Variants in STAC observed in about 807,000 individuals in gnomAD.
STAC encodes SH3 and cysteine-rich domain-containing protein.
Under a neutral mutation model 48.8 loss-of-function variants are expected in STAC, and 43 were observed. That is an observed-to-expected ratio of 0.88 (90% CI 0.69 to 1.14). The LOEUF is 1.14. STAC is among the 50% of genes most tolerant of loss of function. STAC has a pLI of 0.00. For missense variants in STAC, 497 were observed against 504.0 expected, an observed-to-expected ratio of 0.99 and a Z score of 0.13; for synonymous variants, 193 against 179.5, an observed-to-expected ratio of 1.07 and a Z score of -0.60.
intron 10 of STAC, among the ~76,000 whole-genome samples, chr3:36,541,430 G>A (rs1344305193): frequency 1.3e-5 from 2 of 152,204 alleles, no homozygotes; most frequent in African/African-American, 2.4e-5. Flanking sequence ...CAAGGTTTTA[G>A]TTATCCTAGA....
In STAC at chr3:36,517,786, C is replaced by T. The variant is rs183084726; in HGVS notation, c.921-10910C>T. ...TAACATAGACCATATGTCACATCAT[C>T]CTTCTGGCCAAGTGGGTGTGTACAT... On this transcript the variant is annotated intron_variant, in intron 8 of 10. Transcript: ENST00000273183. 6.1e-3 allele frequency among the ~76,000 whole-genome samples: 921 copies of T among 152,130 alleles called. 13 individuals carry two copies. Among genetic ancestry groups the T allele is most frequent in the Non-Finnish European group, 6.0e-3 (410 of 67,984 alleles).
chr3:36,410,457 C>T lies in STAC; in HGVS notation c.111+29703C>T, dbSNP rs75344114. On this transcript the variant is annotated intron_variant, in intron 1 of 10. Transcript: ENST00000273183. Reference sequence around the variant, plus strand: ...CTACGTTTTCCATTCAACAAAGAGGCTAATAGAACTATTAGAATCAGAACC... The same window carrying T: ...CTACGTTTTCCATTCAACAAAGAGGTTAATAGAACTATTAGAATCAGAACC... 2.0e-5 allele frequency among the ~76,000 whole-genome samples: 3 copies of T among 152,170 alleles called. No individual in the cohort carries two copies. In the East Asian group the frequency reaches 5.8e-4, roughly 29 times the overall value.
At position 36,408,616 on chromosome 3, in the gene STAC, TAGAC is replaced by T. The variant is rs774549780; in HGVS notation, c.111+27863_111+27866del. 6.6e-3 allele frequency among the ~76,000 whole-genome samples: 1,002 copies of T among 152,334 alleles called. 6 individuals carry two copies. The highest frequency in any genetic ancestry group is 0.011 in the Non-Finnish European group (727 of 68,026). On this transcript the variant is annotated intron_variant, in intron 1 of 10. Coordinates refer to ENST00000273183, the MANE Select transcript of STAC (RefSeq NM_003149.3). ...GGTGAGGCTCCTGGAAAAGGTTTTC[TAGAC>T]TGATTAGAACACATACAAGAGAAAA...
chr3:36,413,160 G>C (rs1446563083), intron 1 of STAC, among the ~76,000 whole-genome samples: 2 of 152,162 alleles, frequency 1.3e-5, no homozygotes, highest in Admixed American at 6.5e-5. Flanking sequence ...TGTTGATTTG[G>C]GGTGGACGGT....
At chr3:36,471,069 C>T (rs535152856) in intron 2 of STAC, among the ~76,000 whole-genome samples, 38 of 152,158 alleles carry the variant, frequency 2.5e-4, no homozygotes, top group South Asian at 8.3e-4. Flanking sequence ...TAAAGACATA[C>T]CCGAAACTGG....
At chr3:36,414,979 C>T (rs1461011255) in intron 1 of STAC, among the ~76,000 whole-genome samples, 3 of 152,240 alleles carry the variant, frequency 2.0e-5, no homozygotes, top group African/African-American at 7.2e-5. Context: ...GGCTGCAGAA[C>T]AGCGAATATT....
At chr3:36,393,530 C>A (rs1440384425) in intron 1 of STAC, among the ~76,000 whole-genome samples, 1 of 151,652 alleles carries the variant, frequency 6.6e-6, no homozygotes, top group African/African-American at 2.4e-5. Flanking sequence ...AATATGTGTG[C>A]CCTCCAAAAT....
chr3:36,406,637 A>T (rs1404558185), intron 1 of STAC, among the ~76,000 whole-genome samples: 1 of 152,250 alleles, frequency 6.6e-6, no homozygotes, highest in Non-Finnish European at 1.5e-5. Context: ...AGAGCTGAGC[A>T]AGCTACAGTC....
At chr3:36,462,542 T>C (rs1489145753) in intron 2 of STAC, among the ~76,000 whole-genome samples, 1 of 152,064 alleles carries the variant, frequency 6.6e-6, no homozygotes, top group Non-Finnish European at 1.5e-5. Flanking sequence ...AGCCCTCCAA[T>C]GTTAAAAAGT....
chr3:36,542,063 G>A (rs374067111), intron 10 of STAC, among the ~76,000 whole-genome samples: 21 of 151,838 alleles, frequency 1.4e-4, no homozygotes, highest in Admixed American at 5.9e-4. Context: ...GGAAGGGAAA[G>A]GAGGAAAGTC....
intron 2 of STAC, among the ~76,000 whole-genome samples, chr3:36,462,825 T>C (rs1697056326): frequency 6.6e-6 from 1 of 152,200 alleles, no homozygotes; most frequent in Non-Finnish European, 1.5e-5. Flanking sequence ...TTACATATCA[T>C]AGAAATTTAT....
intron 8 of STAC, among the ~76,000 whole-genome samples, chr3:36,514,396 A>G (rs1428092428): frequency 6.6e-6 from 1 of 151,604 alleles, no homozygotes; most frequent in Admixed American, 6.6e-5. Flanking sequence ...TCTCAGGTCA[A>G]ATTTCATTTC....
At chr3:36,482,033 T>C (rs1253813350) in intron 2 of STAC, among the ~76,000 whole-genome samples, 1 of 152,210 alleles carries the variant, frequency 6.6e-6, no homozygotes, top group Non-Finnish European at 1.5e-5. Flanking sequence ...TCTTTTCTAA[T>C]ACATGAGATG....
At chr3:36,454,455 G>A (rs1018996241) in intron 2 of STAC, among the ~76,000 whole-genome samples, 23 of 151,962 alleles carry the variant, frequency 1.5e-4, no homozygotes, top group African/African-American at 4.8e-4. Flanking sequence ...AACAAACTCC[G>A]GACACGCCAC....
intron 1 of STAC, among the ~76,000 whole-genome samples, chr3:36,397,678 A>G (rs1699881293): frequency 6.6e-6 from 1 of 152,232 alleles, no homozygotes; most frequent in African/African-American, 2.4e-5. Flanking sequence ...GAAGCCTCCA[A>G]ATTGTGCAGA....
chr3:36,493,045 T>C, intron 5 of STAC, 106 bp from the exon 6 acceptor site: 1 of 1,048,292 alleles, frequency 9.5e-7, no homozygotes, highest in Non-Finnish European at 1.4e-6. Context: ...ACTGGGTCCT[T>C]ATGTGTCATG....
At chr3:36,431,150 G>A (rs73830361) in intron 1 of STAC, among the ~76,000 whole-genome samples, 3,539 of 152,234 alleles carry the variant, frequency 0.023, 61 homozygotes, top group East Asian at 0.026. Context: ...AGAATCTAGA[G>A]AGCTCTATAC....
intron 8 of STAC, among the ~76,000 whole-genome samples, chr3:36,520,487 A>G (rs1698774646): frequency 6.6e-6 from 1 of 152,174 alleles, no homozygotes; most frequent in Non-Finnish European, 1.5e-5. Context: ...ACTTGTGTAC[A>G]TTCTAATGTC....
intron 10 of STAC, among the ~76,000 whole-genome samples, chr3:36,531,615 C>A (rs1251014443): frequency 6.6e-6 from 1 of 152,218 alleles, no homozygotes; most frequent in Non-Finnish European, 1.5e-5. Flanking sequence ...TTACCACCAC[C>A]ACCATGGGCT....
Sources: gnomAD v4.1 joint callset for allele counts (sites outside exome capture counted in the v4.1 genomes callset) on GRCh38, gnomAD v4.1.1 for gene constraint, MANE v1.5 for transcripts, NCBI Gene and HGNC (gene_info 2026-07-23, HGNC 2026-07-21) for gene names.